BCAR3: variants seen among roughly 807,000 people sequenced by gnomAD.
BCAR3 encodes the protein BCAR3 adaptor protein, NSP family member.
A neutral mutation model predicts 80.1 loss-of-function variants in BCAR3; 37 were observed. The observed-to-expected ratio is 0.46, with a 90% CI of 0.36 to 0.61. The LOEUF (loss-of-function observed/expected upper bound fraction) is 0.61. BCAR3 is among the 20% of genes least tolerant of loss of function. The probability of loss-of-function intolerance (pLI) is 0.00; values close to 1 mark genes in which losing one functional copy is unlikely to be tolerated. For missense variants in BCAR3, 978 were observed against 1,068.2 expected (o/e 0.92, Z 1.18); for synonymous variants, 389 against 418.9 (o/e 0.93, Z 0.87).
intron 2 of BCAR3, among the ~76,000 whole-genome samples, chr1:93,647,938 A>G (rs775197480): frequency 5.9e-5 from 9 of 151,918 alleles, no homozygotes; most frequent in Non-Finnish European, 1.2e-4. Flanking sequence ...ACACCTGGCT[A>G]ATTTTTGTAT....
chr1:93,695,768 C>T (rs571778593), intron 3 of BCAR3, among the ~76,000 whole-genome samples: 17 of 152,320 alleles, frequency 1.1e-4, no homozygotes, highest in African/African-American at 4.1e-4. Flanking sequence ...ATCCTGTGGA[C>T]AGGATTCAGA....
intron 3 of BCAR3, chr1:93,594,919 C>T (rs941947182): frequency 6.6e-6 from 1 of 152,228 alleles, no homozygotes; most frequent in East Asian, 1.9e-4. Context: ...CTGCTCATAA[C>T]AGCAAGGGTT....
chr1:93,699,104 G>A (rs1317645917), intron 3 of BCAR3, among the ~76,000 whole-genome samples: 1 of 152,146 alleles, frequency 6.6e-6, no homozygotes, highest in Non-Finnish European at 1.5e-5. Flanking sequence ...CAACAACCCT[G>A]TAAAACAAGT....
intron 2 of BCAR3, among the ~76,000 whole-genome samples, chr1:93,751,962 C>T (rs749232073): frequency 3.3e-5 from 5 of 152,354 alleles, no homozygotes; most frequent in South Asian, 2.1e-4. Context: ...TTTTGAATGT[C>T]TTTAGGAACA....
intron 2 of BCAR3, among the ~76,000 whole-genome samples, chr1:93,744,996 T>C (rs1019434752): frequency 5.3e-5 from 8 of 152,202 alleles, no homozygotes; most frequent in South Asian, 2.1e-4. Context: ...CAGGGAACCA[T>C]AGCTAGAAAT....
At chr1:93,766,052 C>T (rs77515800) in intron 2 of BCAR3, among the ~76,000 whole-genome samples, 17,823 of 152,124 alleles carry the variant, frequency 0.12, 1,467 homozygotes, top group African/African-American at 0.22. Context: ...TCTTGTGTAA[C>T]GGAAACTTTG....
intron 3 of BCAR3, among the ~76,000 whole-genome samples, chr1:93,641,252 G>A (rs969834521): frequency 5.3e-5 from 8 of 152,154 alleles, no homozygotes; most frequent in Admixed American, 3.3e-4. Flanking sequence ...CTCCTCTTCC[G>A]TCCATCCTCT....
At chr1:93,763,811 G>A (rs1286718959) in intron 2 of BCAR3, among the ~76,000 whole-genome samples, 1 of 152,164 alleles carries the variant, frequency 6.6e-6, no homozygotes, top group African/African-American at 2.4e-5. Flanking sequence ...AACCTCCATG[G>A]TGTAAATGCT....
At position 93,747,345 on chromosome 1, in the gene BCAR3, A is replaced by G. The variant is rs184100150; in HGVS notation, c.-62-41203T>C. On this transcript the variant is annotated intron_variant, in intron 2 of 13. Transcript: ENST00000370244. ...TTCTAGAAGTAGTGTCCAGTGTCCA[A>G]TAGCACAAGCTGTAGTGTCTGTGCC... is the stretch of plus-strand genomic sequence containing the variant. 1.5e-4 allele frequency among the ~76,000 whole-genome samples: 23 copies of G among 152,162 alleles called. No individual in the cohort carries two copies. The East Asian group carries it at 3.9e-3, about 26-fold the overall frequency.
intron 2 of BCAR3, among the ~76,000 whole-genome samples, chr1:93,749,614 A>G (rs1651481447): frequency 6.6e-6 from 1 of 151,722 alleles, no homozygotes; most frequent in African/African-American, 2.4e-5. Context: ...AGAAAAGAAA[A>G]TCCAATCTCT....
At chr1:93,660,746 G>A (rs563999312) in intron 2 of BCAR3, among the ~76,000 whole-genome samples, 9 of 152,238 alleles carry the variant, frequency 5.9e-5, no homozygotes, top group African/African-American at 1.2e-4. Context: ...ACAGAGTCTC[G>A]CAATGTTGCC....
intron 2 of BCAR3, among the ~76,000 whole-genome samples, chr1:93,761,937 G>A (rs1651959810): frequency 6.6e-6 from 1 of 152,064 alleles, no homozygotes; most frequent in Admixed American, 6.5e-5. Context: ...GTACCATACT[G>A]CTGTCTGGGC....
chr1:93,639,707 C>T (rs751754342), intron 3 of BCAR3, among the ~76,000 whole-genome samples: 3 of 152,072 alleles, frequency 2.0e-5, no homozygotes, highest in Non-Finnish European at 2.9e-5. Context: ...GAACTCCTGA[C>T]CTCGGGTGAT....
intron 3 of BCAR3, among the ~76,000 whole-genome samples, chr1:93,637,132 G>A (rs962160486): frequency 2.0e-5 from 3 of 151,758 alleles, no homozygotes; most frequent in African/African-American, 7.3e-5. Flanking sequence ...TAGTCTTGAG[G>A]CTAAAAGGAA....
At chr1:93,845,501 T>TCTCATGTTGTCAAG (rs1187622336) in intron 2 of BCAR3, 5 of 96,310 alleles carry the variant, frequency 5.2e-5, no homozygotes, top group Admixed American at 2.1e-4. Flanking sequence ...TATATATATA[T>TCTCATGTTGTCAAG]AAAACTTTGT....
intron 3 of BCAR3, among the ~76,000 whole-genome samples, chr1:93,638,206 G>A (rs762124421): frequency 2.4e-4 from 36 of 152,244 alleles, no homozygotes; most frequent in Middle Eastern, 3.4e-3. Flanking sequence ...CCAAGATTGC[G>A]CCACTGTACT....
At chr1:93,832,669 G>A (rs543733688) in intron 2 of BCAR3, among the ~76,000 whole-genome samples, 2 of 152,216 alleles carry the variant, frequency 1.3e-5, no homozygotes, top group East Asian at 3.9e-4. Flanking sequence ...TTTCAAGGGC[G>A]TGTTTCCCTT....
chr1:93,819,713 T>C (rs1182678133), intron 2 of BCAR3, among the ~76,000 whole-genome samples: 1 of 152,196 alleles, frequency 6.6e-6, no homozygotes, highest in African/African-American at 2.4e-5. Context: ...ACAAACACTA[T>C]AACTTTGCCA....
intron 2 of BCAR3, among the ~76,000 whole-genome samples, chr1:93,770,096 C>G (rs1213563211): frequency 6.6e-6 from 1 of 152,188 alleles, no homozygotes; most frequent in African/African-American, 2.4e-5. Flanking sequence ...GGCTTTTCAG[C>G]AAGATAGTGG....
Sources: gnomAD v4.1 joint callset for allele counts (sites outside exome capture counted in the v4.1 genomes callset) on GRCh38, gnomAD v4.1.1 for gene constraint, MANE v1.5 for transcripts, NCBI Gene and HGNC (gene_info 2026-07-23, HGNC 2026-07-21) for gene names.